Variants in STIM1 observed in about 807,000 individuals in gnomAD.
STIM1 encodes stromal interaction molecule 1.
In STIM1, 25 loss-of-function variants were observed where a neutral mutation model predicts 74.7. That is an observed-to-expected ratio of 0.33 (90% confidence interval 0.24 to 0.47). The LOEUF (loss-of-function observed/expected upper bound fraction) is 0.47. STIM1 is among the 20% of genes least tolerant of loss of function. STIM1 has a pLI of 1.00. For synonymous variants in STIM1, 328 were observed against 348.8 expected, an observed-to-expected ratio of 0.94 and a Z score of 0.66; for missense variants, 728 against 920.8, an observed-to-expected ratio of 0.79 and a Z score of 2.71.
At chr11:3,981,654 C>A (rs950083123) in intron 2 of STIM1, among the ~76,000 whole-genome samples, 1 of 152,100 alleles carries the variant, frequency 6.6e-6, no homozygotes, top group Admixed American at 6.5e-5. Context: ...GGTTGTTTTT[C>A]TGGAGTTGCT....
intron 3 of STIM1, among the ~76,000 whole-genome samples, chr11:4,036,716 T>C (rs546028671): frequency 1.3e-5 from 2 of 152,354 alleles, no homozygotes; most frequent in Non-Finnish European, 2.9e-5. Flanking sequence ...ATTTTTTCTT[T>C]GTATATTTGT....
intron 2 of STIM1, among the ~76,000 whole-genome samples, chr11:4,013,373 G>T (rs1047283653): frequency 6.6e-6 from 1 of 152,182 alleles, no homozygotes; most frequent in East Asian, 1.9e-4. Context: ...TTGGTTGGTA[G>T]GCTATTAATT....
chr11:3,860,817 C>T (rs958134369), intron 1 of STIM1, among the ~76,000 whole-genome samples: 1 of 152,138 alleles, frequency 6.6e-6, no homozygotes, highest in Non-Finnish European at 1.5e-5. Context: ...AATGGGTGCT[C>T]ACTGCTTGCT....
At chr11:4,019,779 A>G (rs2093938657) in intron 2 of STIM1, among the ~76,000 whole-genome samples, 1 of 152,198 alleles carries the variant, frequency 6.6e-6, no homozygotes, top group Admixed American at 6.5e-5. Flanking sequence ...TCAAACATAT[A>G]TCATTTCTTT....
intron 3 of STIM1, among the ~76,000 whole-genome samples, chr11:4,037,127 C>G (rs933576466): frequency 6.6e-6 from 1 of 151,656 alleles, no homozygotes; most frequent in Non-Finnish European, 1.5e-5. Flanking sequence ...ATGATCTCGG[C>G]TCACTGCAAC....
At chr11:3,886,687 CA>C (rs199847545) in intron 1 of STIM1, among the ~76,000 whole-genome samples, 6,594 of 86,530 alleles carry the variant, frequency 0.076, 139 homozygotes, top group Non-Finnish European at 0.11. Flanking sequence ...GACTCTGTGT[CA>C]AAAAAAAAAA....
At chr11:3,976,799 G>A (rs900258043) in intron 2 of STIM1, among the ~76,000 whole-genome samples, 2 of 150,666 alleles carry the variant, frequency 1.3e-5, no homozygotes, top group Non-Finnish European at 3.0e-5. Flanking sequence ...TAGCCTGACA[G>A]TTGTTTTTTT....
intron 1 of STIM1, among the ~76,000 whole-genome samples, chr11:3,924,269 G>C (rs2092759465): frequency 6.7e-6 from 1 of 150,312 alleles, no homozygotes; most frequent in African/African-American, 2.5e-5. Context: ...CGCAATCTCG[G>C]CTCACTGCAA....
At position 4,091,660 on chromosome 11, in the gene STIM1, A is replaced by C. The variant is rs2094526100; in HGVS notation, c.2013A>C (p.Arg671=). 1 of 1,614,100 alleles carries C rather than the reference A, an allele frequency of 6.2e-7. No homozygotes were observed. Among genetic ancestry groups the C allele is most frequent in the Non-Finnish European group, 8.5e-7 (1 of 1,180,044 alleles). The part of the protein sequence containing the change: ...VGDSRALQAS[R]NTRIPHLAGK... ...ACAGCCGAGCCCTGCAAGCCAGCCGAAACACACGCATTCCCCACCTGGCTG... is the reference window on the plus strand; with the variant it reads ...ACAGCCGAGCCCTGCAAGCCAGCCGCAACACACGCATTCCCCACCTGGCTG... The change falls in exon 13 of 13, where the codon CGA becomes CGC. Residue 671 remains arginine, a synonymous_variant. Transcript: ENST00000526596.
At chr11:4,034,081 T>G (rs911766403) in intron 3 of STIM1, among the ~76,000 whole-genome samples, 9 of 151,472 alleles carry the variant, frequency 5.9e-5, no homozygotes, top group African/African-American at 2.2e-4. Flanking sequence ...ATACAAAAAT[T>G]AGCTGGTTGT....
rs1312730719 is a variant in STIM1 at position 3,934,144 on chromosome 11, G to A, written c.140-33408G>A. On this transcript the variant is annotated intron_variant, in intron 1 of 12. Transcript: ENST00000526596. ...TGTACGGGGTGGGAGAGGGGTCTGT[G>A]TATAAGGCAGAATCCAGGGAATGGT... 4.6e-5 allele frequency among the ~76,000 whole-genome samples: 7 copies of A among 152,108 alleles called. No individual in the cohort carries two copies. In the South Asian group the frequency reaches 6.2e-4, roughly 14 times the overall value.
intron 3 of STIM1, among the ~76,000 whole-genome samples, chr11:4,052,320 C>CT (rs1026771476): frequency 3.9e-5 from 6 of 152,268 alleles, no homozygotes; most frequent in Non-Finnish European, 7.4e-5. Context: ...AGGCATCATG[C>CT]TACCTGACTT....
At chr11:3,991,747 A>G (rs2093613400) in intron 2 of STIM1, among the ~76,000 whole-genome samples, 1 of 151,198 alleles carries the variant, frequency 6.6e-6, no homozygotes, top group Admixed American at 6.6e-5. Context: ...TCGGGGTTCA[A>G]GACCAGCCTG....
At chr11:3,872,525 T>C (rs935716273) in intron 1 of STIM1, among the ~76,000 whole-genome samples, 2 of 61,308 alleles carry the variant, frequency 3.3e-5, no homozygotes, top group Admixed American at 1.6e-4. Context: ...CTTTTTTTCT[T>C]TTTTTTTTTT....
chr11:3,952,269 C>T (rs868442959), intron 1 of STIM1, among the ~76,000 whole-genome samples: 10 of 151,994 alleles, frequency 6.6e-5, no homozygotes, highest in South Asian at 2.1e-4. Context: ...AAAAATTAGC[C>T]GAGCACAGTG....
rs528796503 is a variant in STIM1 at position 4,088,726 on chromosome 11, G to C, written c.1634+2183G>C. On this transcript the variant is annotated intron_variant, in intron 12 of 12. Coordinates refer to ENST00000526596, the MANE Select transcript of STIM1 (RefSeq NM_001382567.1). ...GAGGATCATCTCTAAAGGCAAACAG[G>C]CTCTCTAGTAAGGTCAGTAGCTTGG... 233 of 1,535,796 alleles carry C rather than the reference G, an allele frequency of 1.5e-4. No homozygotes were observed. The East Asian group carries it at 2.9e-3, about 19-fold the overall frequency.
intron 1 of STIM1, among the ~76,000 whole-genome samples, chr11:3,899,136 T>G (rs2092274987): frequency 6.6e-6 from 1 of 152,246 alleles, no homozygotes; most frequent in Non-Finnish European, 1.5e-5. Flanking sequence ...TATTGATTCT[T>G]CCTACCCATG....
chr11:3,983,151 C>G (rs940361266), intron 2 of STIM1, among the ~76,000 whole-genome samples: 2 of 152,184 alleles, frequency 1.3e-5, no homozygotes, highest in African/African-American at 4.8e-5. Flanking sequence ...CCAGGCTGGT[C>G]TCCAACTCCT....
chr11:4,057,889 A>T (rs1415463059), intron 4 of STIM1, among the ~76,000 whole-genome samples: 1 of 151,946 alleles, frequency 6.6e-6, no homozygotes, highest in East Asian at 1.9e-4. Context: ...AAAAAAAAGA[A>T]AGTGACACTA....
Sources: gnomAD v4.1 joint callset for allele counts (sites outside exome capture counted in the v4.1 genomes callset) on GRCh38, gnomAD v4.1.1 for gene constraint, MANE v1.5 for transcripts, NCBI Gene and HGNC (gene_info 2026-07-23, HGNC 2026-07-21) for gene names.